Variants in UBE2O observed in about 807,000 individuals in gnomAD.
UBE2O encodes the protein (E3-independent) E2 ubiquitin-conjugating enzyme.
A neutral mutation model predicts 125.8 loss-of-function variants in UBE2O; 15 were observed. That is an observed-to-expected ratio of 0.12 (90% confidence interval 0.08 to 0.18). The LOEUF (loss-of-function observed/expected upper bound fraction) is 0.18, where lower values mean the gene tolerates loss of function less well. UBE2O is among the 10% of genes least tolerant of loss of function. UBE2O has a pLI of 1.00. For synonymous variants in UBE2O, 708 were observed against 703.2 expected (o/e 1.01, Z -0.11); for missense variants, 1,280 against 1,723.6 (o/e 0.74, Z 4.56).
intron 15 of UBE2O, among the ~76,000 whole-genome samples, chr17:76,392,432 T>C (rs1310062652): frequency 6.6e-6 from 1 of 151,956 alleles, no homozygotes; most frequent in Non-Finnish European, 1.5e-5. Flanking sequence ...GCCCAGATGA[T>C]TTTTTTATTT....
chr17:76,409,204 G>A (rs346808), intron 1 of UBE2O, among the ~76,000 whole-genome samples: 9,671 of 152,108 alleles, frequency 0.064, 380 homozygotes, highest in South Asian at 0.12. Context: ...TCCTAACCTC[G>A]TGATCTGCCA....
rs756512313 is a variant in UBE2O, at chr17:76,398,604, G to C, written c.1784-20C>G. The stretch of plus-strand genomic sequence containing the variant: ...TCTGGACTAGGGAACCAGAGAAAGG[G>C]AAGTGACTAGCTAAGGGATCCCGGC... On this transcript the variant is annotated intron_variant, in intron 10 of 17. Coordinates refer to ENST00000319380, the MANE Select transcript of UBE2O (RefSeq NM_022066.4). This position sits in a 1 kb window ranked among gnomAD's most constrained non-coding sequence, Gnocchi z 5.4. 6.2e-7 allele frequency: 1 copy of C among 1,609,422 alleles called. No individual in the cohort carries two copies. Among genetic ancestry groups the C allele is most frequent in the Non-Finnish European group, 8.5e-7 (1 of 1,176,174 alleles).
At chr17:76,433,369 T>A (rs1381321795) in intron 1 of UBE2O, among the ~76,000 whole-genome samples, 1 of 147,880 alleles carries the variant, frequency 6.8e-6, no homozygotes, top group Non-Finnish European at 1.5e-5. Flanking sequence ...TCCATTTATA[T>A]GAAATGTCCA....
In UBE2O at chr17:76,396,687, G is replaced by A. The variant is rs150263578; in HGVS notation, c.2250C>T (p.Asp750=). 1.8e-5 allele frequency: 29 copies of A among 1,613,794 alleles called. No homozygotes were observed. In the East Asian group the frequency reaches 3.3e-4, roughly 19 times the overall value. ...SWETDNGLVE[D]EHPKIEEPPI... ...GGGGCTCCTCTATCTTGGGGTGCTC[G>A]TCCTCCACCAGCCCATTGTCCGTCT... The change falls in exon 14 of 18, where the codon GAC becomes GAT. Residue 750 remains aspartate (D), a synonymous_variant. Coordinates refer to ENST00000319380, the MANE Select transcript of UBE2O (RefSeq NM_022066.4). This position sits in a 1 kb window ranked among gnomAD's most constrained non-coding sequence, Gnocchi z 6.7.
intron 1 of UBE2O, among the ~76,000 whole-genome samples, chr17:76,422,248 G>A (rs1048629003): frequency 7.2e-5 from 11 of 152,208 alleles, no homozygotes; most frequent in Non-Finnish European, 1.3e-4. Context: ...GGAAGATGAT[G>A]TGTGGAAGCA....
Position 76,391,637 on chromosome 17 carries a change from T to C in UBE2O, c.3209-24A>G. ...ACCTGTGTGGGCGGGACACCTTCCC[T>C]CAGTGGGTGAGAGAGGCCCACAATG... On this transcript the variant is annotated intron_variant, in intron 17 of 17. Transcript: ENST00000319380. This position sits in a 1 kb window ranked among gnomAD's most constrained non-coding sequence, Gnocchi z 8.4. The C allele has an allele frequency of 6.2e-7, 1 of 1,603,718 alleles. No individual in the cohort carries two copies. Among genetic ancestry groups the C allele is most frequent in the Non-Finnish European group, 8.5e-7 (1 of 1,173,170 alleles).
intron 3 of UBE2O, among the ~76,000 whole-genome samples, chr17:76,403,323 G>A (rs1424913401): frequency 2.0e-5 from 3 of 152,080 alleles, no homozygotes; most frequent in African/African-American, 7.2e-5. Context: ...AGGCTGGAGT[G>A]CAATGGTGTG....
In UBE2O at chr17:76,398,978, C is replaced by A; in HGVS notation, c.1642G>T (p.Val548Leu). Residue 548 changes from valine to leucine, a missense_variant, in exon 10 of 18, where the codon GTG becomes TTG. Val to Leu is a conservative substitution (Grantham distance 32, BLOSUM62 1). Around this residue, in one of 10 missense-constraint regions of UBE2O, gnomAD observed 145 missense variants for 219.6 expected, o/e 0.66. Transcript: ENST00000319380. The surrounding 1 kb of genome is among the most constrained non-coding windows in gnomAD (Gnocchi z 5.4). ...TCGGCTGAGGTCATCGTGGTCACCACCTCCACTGCCACCCTGCGGGTGCAG... is the reference window on the plus strand; with the variant it reads ...TCGGCTGAGGTCATCGTGGTCACCAACTCCACTGCCACCCTGCGGGTGCAG... Reference protein sequence around the residue: ...FKPGDRVAVEVVTTMTSADVM... With the variant: ...FKPGDRVAVELVTTMTSADVM... 2 of 1,613,934 alleles carry A rather than the reference C, an allele frequency of 1.2e-6. No homozygotes were observed. Among genetic ancestry groups the A allele is most frequent in the Non-Finnish European group, 1.7e-6 (2 of 1,179,960 alleles).
chr17:76,401,269 G>A (rs911082522), intron 5 of UBE2O, 115 bp from the exon 6 acceptor site: 18 of 1,213,962 alleles, frequency 1.5e-5, no homozygotes, highest in Non-Finnish European at 1.8e-5. Flanking sequence ...TCACACACAC[G>A]CCCCACACGC....
At chr17:76,418,864 T>C (rs1286832200) in intron 1 of UBE2O, among the ~76,000 whole-genome samples, 1 of 152,152 alleles carries the variant, frequency 6.6e-6, no homozygotes, top group African/African-American at 2.4e-5. Context: ...CCACCGCGCC[T>C]GTCCGGAACA....
intron 1 of UBE2O, among the ~76,000 whole-genome samples, chr17:76,435,399 GAT>G (rs2072974176): frequency 2.6e-5 from 3 of 115,402 alleles, no homozygotes; most frequent in Admixed American, 1.0e-4. Flanking sequence ...TAAATATACA[GAT>G]ACACACACAC....
rs1456005164 is a variant in UBE2O at position 76,398,953 on chromosome 17, T to C, written c.1667A>G (p.Asp556Gly). Residue 556 changes from aspartate to glycine, a missense_variant, in exon 10 of 18, where the codon GAC becomes GGC. By Grantham distance (94) the Asp-to-Gly change is moderately conservative. This residue lies in a region of UBE2O where 145 missense variants were observed against 219.6 expected (regional missense o/e 0.66). Transcript: ENST00000319380. This position sits in a 1 kb window ranked among gnomAD's most constrained non-coding sequence, Gnocchi z 5.4. ...VEVVTTMTSADVMWQDGSVEC... is the reference protein window; with the variant it reads ...VEVVTTMTSAGVMWQDGSVEC... The stretch of plus-strand genomic sequence containing the variant: ...CACGGAGCCATCCTGCCACATCACG[T>C]CGGCTGAGGTCATCGTGGTCACCAC... 6.2e-7 allele frequency: 1 copy of C among 1,614,074 alleles called. No individual in the cohort carries two copies. The highest frequency in any genetic ancestry group is 8.5e-7 in the Non-Finnish European group (1 of 1,180,022).
chr17:76,405,043 A>C lies in UBE2O; in HGVS notation c.588+163T>G, dbSNP rs938791057. On this transcript the variant is annotated intron_variant, in intron 3 of 17. Transcript: ENST00000319380. This position sits in a 1 kb window ranked among gnomAD's most constrained non-coding sequence, Gnocchi z 6.1. ...ATGTCTAAATGGCTTACTTGAAAGC[A>C]GCGAAAACAAGGCTACAGGAGCCAG... 6.6e-6 allele frequency among the ~76,000 whole-genome samples: 1 copy of C among 152,230 alleles called. No individual in the cohort carries two copies. Among genetic ancestry groups the C allele is most frequent in the Non-Finnish European group, 1.5e-5 (1 of 68,032 alleles).
Position 76,416,035 on chromosome 17 carries a change from A to ACG in UBE2O, c.418-10464_418-10463insCG, listed in dbSNP as rs1256623979. Among the ~76,000 whole-genome samples, 5 of 142,746 alleles carry ACG rather than the reference A, an allele frequency of 3.5e-5. No homozygotes were observed. The East Asian group carries it at 5.9e-4, about 17-fold the overall frequency. 93.6% of individuals were successfully genotyped at this position (142,746 alleles called of 152,430 possible). Reference sequence around the variant, plus strand: ...TATACATATGTACACACACGTATATATGTGTGTGTACATATGTACATACAC... The same window carrying ACG: ...TATACATATGTACACACACGTATATACGTGTGTGTGTACATATGTACATACAC... On this transcript the variant is annotated intron_variant, in intron 1 of 17. Coordinates refer to ENST00000319380, the MANE Select transcript of UBE2O (RefSeq NM_022066.4).
rs143848002 is a variant in UBE2O at position 76,416,206 on chromosome 17, G to A, written c.418-10634C>T. The stretch of plus-strand genomic sequence containing the variant: ...TGTATATGTATATGTGTATATGTGT[G>A]TGTATATGTATGTATATGTATATGT... On this transcript the variant is annotated intron_variant, in intron 1 of 17. Transcript: ENST00000319380. 6.4e-3 allele frequency among the ~76,000 whole-genome samples: 973 copies of A among 151,028 alleles called. 7 individuals carry two copies. Among genetic ancestry groups the A allele is most frequent in the African/African-American group, 0.023 (929 of 41,286 alleles).
intron 1 of UBE2O, among the ~76,000 whole-genome samples, chr17:76,448,279 C>T (rs934681260): frequency 8.5e-5 from 13 of 152,144 alleles, no homozygotes; most frequent in Non-Finnish European, 1.5e-4. Flanking sequence ...CTGAATAAAA[C>T]GCAATTTAGA....
Position 76,395,467 on chromosome 17 carries a change from C to T in UBE2O, c.2946+258G>A, listed in dbSNP as rs1399519444. Reference sequence around the variant, plus strand: ...TCGGCCTCCCAAAGTGCTGGGATTACGGGTGTGAGCCACTGCGCCCGGCCG... The same window carrying T: ...TCGGCCTCCCAAAGTGCTGGGATTATGGGTGTGAGCCACTGCGCCCGGCCG... On this transcript the variant is annotated intron_variant, in intron 15 of 17. Transcript: ENST00000319380. The surrounding 1 kb of genome is among the most constrained non-coding windows in gnomAD (Gnocchi z 5.0). The T allele has an allele frequency of 8.1e-6, 3 of 368,552 alleles. No individual in the cohort carries two copies. Among genetic ancestry groups the T allele is most frequent in the South Asian group, 4.3e-5 (1 of 23,382 alleles). The allele number at this position is 368,552 out of a possible 1,614,324, so 22.8% of individuals were successfully genotyped here. A position where few individuals can be genotyped will look rare whatever the true frequency, so the allele number is the denominator to read the frequency against.
At chr17:76,427,651 G>T (rs1394252054) in intron 1 of UBE2O, among the ~76,000 whole-genome samples, 1 of 152,206 alleles carries the variant, frequency 6.6e-6, no homozygotes, top group African/African-American at 2.4e-5. Flanking sequence ...CAGGGGTATC[G>T]CCAGTCTGCT....
At chr17:76,424,887 C>T (rs1291434181) in intron 1 of UBE2O, among the ~76,000 whole-genome samples, 1 of 142,900 alleles carries the variant, frequency 7.0e-6, no homozygotes, top group African/African-American at 2.6e-5. Context: ...TTTTTTGAGA[C>T]AGAGTCTCGC....
Sources: gnomAD v4.1 joint callset for allele counts (sites outside exome capture counted in the v4.1 genomes callset) on GRCh38, gnomAD v4.1.1 for gene constraint, gnomAD v4.1.1 regional missense constraint, Gnocchi (gnomAD v3.1) non-coding constraint, MANE v1.5 for transcripts, NCBI Gene and HGNC (gene_info 2026-07-23, HGNC 2026-07-21) for gene names.